The following DLG2 variants were observed in gnomAD, a reference collection of about 807,000 sequenced individuals.
The protein encoded by DLG2 is disks large homolog 2.
DLG2 carries 45 observed loss-of-function variants against 132.5 expected under a neutral mutation model. That is an observed-to-expected ratio of 0.34 (90% CI 0.27 to 0.44). DLG2 has a LOEUF of 0.44. DLG2 is among the 20% of genes least tolerant of loss of function. The pLI is 1.00. For synonymous variants in DLG2, 424 were observed against 419.6 expected (o/e 1.01, Z -0.13); for missense variants, 1,045 against 1,196.9 (o/e 0.87, Z 1.87).
intron 6 of DLG2, among the ~76,000 whole-genome samples, chr11:84,678,544 T>C (rs939199157): frequency 2.6e-5 from 4 of 152,090 alleles, no homozygotes; most frequent in African/African-American, 7.2e-5. Context: ...AGGAGCTTCA[T>C]TGTCTATACT....
chr11:83,724,752 G>T, intron 18 of DLG2: 2 of 667,736 alleles, frequency 3.0e-6, no homozygotes, highest in South Asian at 1.6e-5. Context: ...TTTTAGGAAG[G>T]AAAGGGAGGA....
rs1284025410 is a variant in DLG2, at chr11:83,786,425, T to C, written c.1825+265A>G. 7.3e-6 allele frequency: 3 copies of C among 409,810 alleles called. No individual in the cohort carries two copies. The Admixed American group carries it at 1.1e-4, about 14-fold the overall frequency. 25.4% of individuals were successfully genotyped at this position (409,810 alleles called of 1,614,324 possible). A position where few individuals can be genotyped will look rare whatever the true frequency, so the allele number is the denominator to read the frequency against. ...CGAAAGTGTGTACCACATAAGAATA[T>C]AAATGAAATAAAGCTGATGCTGGTT... On this transcript the variant is annotated intron_variant, in intron 18 of 27. Coordinates refer to ENST00000376104, the MANE Select transcript of DLG2 (RefSeq NM_001142699.3).
chr11:85,623,917 T>A (rs1196429889), intron 2 of DLG2, among the ~76,000 whole-genome samples: 1 of 152,214 alleles, frequency 6.6e-6, no homozygotes, highest in Admixed American at 6.5e-5. Flanking sequence ...TTGCATCATA[T>A]CAGAGAATAC....
chr11:84,784,760 T>C (rs577454586), intron 6 of DLG2, among the ~76,000 whole-genome samples: 4 of 152,244 alleles, frequency 2.6e-5, no homozygotes, highest in African/African-American at 9.6e-5. Context: ...AATGATCTTA[T>C]ATAAATAGAG....
chr11:85,560,153 C>T (rs569316707), intron 3 of DLG2, among the ~76,000 whole-genome samples: 1 of 151,892 alleles, frequency 6.6e-6, no homozygotes, highest in East Asian at 1.9e-4. Flanking sequence ...ATGACACTGT[C>T]ATTATGAAAA....
intron 6 of DLG2, among the ~76,000 whole-genome samples, chr11:85,073,371 C>T (rs1338183557): frequency 6.6e-6 from 1 of 151,790 alleles, no homozygotes; most frequent in African/African-American, 2.4e-5. Context: ...GGCTGAATAA[C>T]CTTTTAACAA....
chr11:83,993,031 C>T (rs1475960016), intron 11 of DLG2, among the ~76,000 whole-genome samples: 1 of 152,112 alleles, frequency 6.6e-6, no homozygotes, highest in African/African-American at 2.4e-5. Context: ...TTAATAATAG[C>T]ACTGTTCTAG....
Position 83,965,367 on chromosome 11 carries a change from G to T in DLG2, c.1158C>A (p.Thr386=), listed in dbSNP as rs761183472. 2.0e-5 allele frequency: 32 copies of T among 1,612,106 alleles called. No homozygotes were observed. The highest frequency in any genetic ancestry group is 1.4e-5 in the Non-Finnish European group (17 of 1,178,774). The change falls in exon 13 of 28, where the codon ACC becomes ACA. Residue 386 remains threonine (T), a synonymous_variant. Coordinates refer to ENST00000376104, the MANE Select transcript of DLG2 (RefSeq NM_001142699.3). ...VVYLKVGKPT[T]IYMTDPYGPP... ...GACCATAAGGATCAGTCATATAAAT[G>T]GTAGTGGGTTTGCCAACTTTTAAAT...
chr11:84,546,344 C>T (rs2099389763), intron 6 of DLG2, among the ~76,000 whole-genome samples: 1 of 152,132 alleles, frequency 6.6e-6, no homozygotes, highest in Non-Finnish European at 1.5e-5. Context: ...TGCCTTCTGC[C>T]ATGATTGAAA....
chr11:84,866,585 A>C (rs920438818), intron 6 of DLG2, among the ~76,000 whole-genome samples: 5 of 152,182 alleles, frequency 3.3e-5, no homozygotes, highest in Non-Finnish European at 7.3e-5. Context: ...TTGAGCCTGG[A>C]ATCACTGCTA....
In DLG2 at chr11:84,306,818, T is replaced by C. The variant is rs372770229; in HGVS notation, c.520-55527A>G. On this transcript the variant is annotated intron_variant, in intron 7 of 27. Coordinates refer to ENST00000376104, the MANE Select transcript of DLG2 (RefSeq NM_001142699.3). ...TGAAGTGCTTTCTCACCAGTCAGAA[T>C]GGCTATTGAAAAGTCAAAAAATAAC... Among the ~76,000 whole-genome samples, 66 of 152,270 alleles carry C rather than the reference T, an allele frequency of 4.3e-4. 1 individual carries two copies. In the South Asian group the frequency reaches 0.013, roughly 31 times the overall value.
At chr11:83,504,574 T>C (rs2094598651) in intron 21 of DLG2, among the ~76,000 whole-genome samples, 1 of 152,132 alleles carries the variant, frequency 6.6e-6, no homozygotes, top group Non-Finnish European at 1.5e-5. Context: ...TAACTTCCCA[T>C]TTAACAGAAT....
intron 3 of DLG2, among the ~76,000 whole-genome samples, chr11:85,423,348 G>A (rs1224835132): frequency 6.6e-6 from 1 of 152,192 alleles, no homozygotes; most frequent in African/African-American, 2.4e-5. Flanking sequence ...TGGATGTACT[G>A]GATCCTGTGA....
intron 4 of DLG2, among the ~76,000 whole-genome samples, chr11:85,232,371 A>C (rs2075347344): frequency 6.6e-6 from 1 of 151,948 alleles, no homozygotes; most frequent in Non-Finnish European, 1.5e-5. Flanking sequence ...AGGTTATAGA[A>C]AATATTCACA....
chr11:85,174,260 TAAC>T (rs1480957723), intron 4 of DLG2, among the ~76,000 whole-genome samples: 3 of 152,106 alleles, frequency 2.0e-5, no homozygotes, highest in Admixed American at 6.6e-5. Flanking sequence ...GGCGAAATAA[TAAC>T]AAACAGCCTT....
At chr11:85,168,659 T>C (rs180936452) in intron 4 of DLG2, among the ~76,000 whole-genome samples, 5 of 152,284 alleles carry the variant, frequency 3.3e-5, no homozygotes, top group Admixed American at 2.0e-4. Context: ...TTATTTATTA[T>C]TTTACATTTT....
chr11:83,978,771 T>A (rs977403005), intron 12 of DLG2, among the ~76,000 whole-genome samples: 2 of 152,068 alleles, frequency 1.3e-5, no homozygotes, highest in Non-Finnish European at 2.9e-5. Context: ...GTGGGCAGCA[T>A]GTACTTATTA....
chr11:85,440,188 A>T (rs1441513209), intron 3 of DLG2, among the ~76,000 whole-genome samples: 1 of 152,224 alleles, frequency 6.6e-6, no homozygotes, highest in African/African-American at 2.4e-5. Context: ...ATTATTAACC[A>T]TTATCATTTT....
chr11:84,776,452 G>T (rs2070510092), intron 6 of DLG2, among the ~76,000 whole-genome samples: 1 of 152,016 alleles, frequency 6.6e-6, no homozygotes, highest in East Asian at 1.9e-4. Context: ...CACTTTGCCT[G>T]GCCTGTGATG....
Sources: allele counts gnomAD v4.1 joint callset (sites outside exome capture counted in the v4.1 genomes callset), GRCh38; gene constraint gnomAD v4.1.1; transcripts MANE v1.5; gene names NCBI Gene and HGNC (gene_info 2026-07-23, HGNC 2026-07-21).